HNRNPC: variants seen among roughly 807,000 people sequenced by gnomAD.
HNRNPC encodes the protein heterogeneous nuclear ribonucleoproteins C1/C2.
HNRNPC carries 3 observed loss-of-function variants against 33.2 expected under a neutral mutation model. The observed-to-expected ratio is 0.09, with a 90% CI of 0.04 to 0.23. The LOEUF (loss-of-function observed/expected upper bound fraction) is 0.23, where lower values mean the gene tolerates loss of function less well. HNRNPC is among the 10% of genes least tolerant of loss of function. The pLI, the probability that HNRNPC is intolerant of heterozygous loss-of-function variation, is 1.00. For missense variants in HNRNPC, 143 were observed against 366.7 expected (o/e 0.39, Z 4.98); for synonymous variants, 121 against 126.7 (o/e 0.96, Z 0.30).
chr14:21,250,560 T>C (rs1896524852), intron 2 of HNRNPC, among the ~76,000 whole-genome samples: 1 of 152,214 alleles, frequency 6.6e-6, no homozygotes, highest in Admixed American at 6.5e-5. Context: ...TTCAGATAAT[T>C]CAAAGCACGT....
intron 2 of HNRNPC, among the ~76,000 whole-genome samples, chr14:21,245,558 C>A (rs184716523): frequency 2.6e-5 from 4 of 152,026 alleles, no homozygotes; most frequent in African/African-American, 4.8e-5. Context: ...ATGAATGGAG[C>A]TTTTAGGACT....
rs1891519308 is a variant in HNRNPC at position 21,210,876 on chromosome 14, A to C, written c.*347T>G. 1 of 259,696 alleles carries C rather than the reference A, an allele frequency of 3.9e-6. No individual in the cohort carries two copies. Among genetic ancestry groups the C allele is most frequent in the Admixed American group, 4.9e-5 (1 of 20,534 alleles). 16.1% of individuals were successfully genotyped at this position (259,696 alleles called of 1,614,324 possible). A position where few individuals can be genotyped will look rare whatever the true frequency, so the allele number is the denominator to read the frequency against. On this transcript the variant is annotated 3_prime_UTR_variant, in exon 9 of 9. Transcript: ENST00000553300. ...AGTTAGGGAAGCAACTACTGAACTT[A>C]TGTATGAATGAAAAGAACTGTACTC...
intron 5 of HNRNPC, among the ~76,000 whole-genome samples, chr14:21,227,670 G>A (rs1197422453): frequency 2.0e-5 from 3 of 152,164 alleles, no homozygotes; most frequent in Admixed American, 6.5e-5. Context: ...TTTCTCTGCA[G>A]TATATATCTC....
chr14:21,226,240 A>G (rs1188098381), intron 5 of HNRNPC, among the ~76,000 whole-genome samples: 2 of 150,728 alleles, frequency 1.3e-5, no homozygotes, highest in Non-Finnish European at 3.0e-5. Flanking sequence ...GAGAATCTCG[A>G]GAACCTGGGA....
At chr14:21,249,996 AAC>A (rs1446848842) in intron 2 of HNRNPC, among the ~76,000 whole-genome samples, 1 of 152,216 alleles carries the variant, frequency 6.6e-6, no homozygotes, top group Non-Finnish European at 1.5e-5. Context: ...AAAATAATAA[AAC>A]ACAGGAAGGT....
chr14:21,269,067 G>C (rs1879508486), intron 1 of HNRNPC, among the ~76,000 whole-genome samples: 1 of 151,922 alleles, frequency 6.6e-6, no homozygotes, highest in Admixed American at 6.6e-5. Flanking sequence ...CAGGAAGAGC[G>C]AAAAAAGGAC....
rs894038912 is a variant in HNRNPC, at chr14:21,210,375, A to G, written c.*848T>C. The stretch of plus-strand genomic sequence containing the variant: ...CCACTCTATGTCAAGTTGACTCCTC[A>G]ATGCAACATGCATCTCAATGAAATA... On this transcript the variant is annotated 3_prime_UTR_variant, in exon 9 of 9. Transcript: ENST00000553300. 1.3e-5 allele frequency: 2 copies of G among 152,364 alleles called. No homozygotes were observed. Among genetic ancestry groups the G allele is most frequent in the African/African-American group, 4.8e-5 (2 of 41,460 alleles). 9.4% of individuals were successfully genotyped at this position (152,364 alleles called of 1,614,324 possible). A position where few individuals can be genotyped will look rare whatever the true frequency, so the allele number is the denominator to read the frequency against.
At position 21,214,791 on chromosome 14, in the gene HNRNPC, A is replaced by G. The variant is rs532598148; in HGVS notation, c.366-1674T>C. The stretch of plus-strand genomic sequence containing the variant: ...AACTATAAAATATCAGTGTTCAGAA[A>G]CTCATATCCTTTGTGAGAGATGGTA... On this transcript the variant is annotated intron_variant, in intron 5 of 8. Transcript: ENST00000553300. 2.2e-4 allele frequency among the ~76,000 whole-genome samples: 34 copies of G among 152,312 alleles called. 1 individual carries two copies. Among genetic ancestry groups the G allele is most frequent in the African/African-American group, 7.9e-4 (33 of 41,558 alleles).
At chr14:21,215,952 A>C (rs1488117484) in intron 5 of HNRNPC, among the ~76,000 whole-genome samples, 2 of 151,372 alleles carry the variant, frequency 1.3e-5, no homozygotes, top group East Asian at 3.9e-4. Context: ...AAAAGAAAAA[A>C]AAAACAACAA....
At chr14:21,266,205 C>T (rs1230775028) in intron 1 of HNRNPC, among the ~76,000 whole-genome samples, 1 of 152,144 alleles carries the variant, frequency 6.6e-6, no homozygotes, top group Non-Finnish European at 1.5e-5. Flanking sequence ...CAGGTTCAAG[C>T]GATTCTCCTG....
At chr14:21,223,672 C>T (rs1893100301) in intron 5 of HNRNPC, among the ~76,000 whole-genome samples, 1 of 151,946 alleles carries the variant, frequency 6.6e-6, no homozygotes, top group Non-Finnish European at 1.5e-5. Context: ...TTGCTTGAAC[C>T]CAGGAGACAG....
At chr14:21,216,919 A>ACTAG (rs1366727232) in intron 5 of HNRNPC, among the ~76,000 whole-genome samples, 3 of 152,206 alleles carry the variant, frequency 2.0e-5, no homozygotes, top group Non-Finnish European at 4.4e-5. Flanking sequence ...AATCCGTTAA[A>ACTAG]CTAGCTAGCT....
chr14:21,242,831 A>T (rs1340143517), intron 2 of HNRNPC, among the ~76,000 whole-genome samples: 1 of 152,226 alleles, frequency 6.6e-6, no homozygotes, highest in African/African-American at 2.4e-5. Flanking sequence ...GGAAACAATC[A>T]GACAATTTCA....
intron 1 of HNRNPC, among the ~76,000 whole-genome samples, chr14:21,266,486 A>G (rs1879003227): frequency 6.6e-6 from 1 of 152,030 alleles, no homozygotes; most frequent in African/African-American, 2.4e-5. Flanking sequence ...TTTTCCTGAT[A>G]CAATATAAAT....
chr14:21,213,749 TAA>T (rs1229476779), intron 5 of HNRNPC, among the ~76,000 whole-genome samples: 1 of 152,136 alleles, frequency 6.6e-6, no homozygotes, highest in African/African-American at 2.4e-5. Context: ...ATACCTCATA[TAA>T]AAACAGGTAG....
At chr14:21,219,649 T>G (rs997503615) in intron 5 of HNRNPC, among the ~76,000 whole-genome samples, 2 of 152,222 alleles carry the variant, frequency 1.3e-5, no homozygotes, top group East Asian at 3.8e-4. Flanking sequence ...CAATCTCCTT[T>G]GCTCATTTCT....
chr14:21,249,800 C>T (rs1896425698), intron 2 of HNRNPC, among the ~76,000 whole-genome samples: 2 of 152,058 alleles, frequency 1.3e-5, no homozygotes, highest in East Asian at 3.9e-4. Flanking sequence ...CATACTCTAA[C>T]GTAGAGCAAC....
chr14:21,255,829 TAA>T (rs1877089439), intron 2 of HNRNPC, among the ~76,000 whole-genome samples: 1 of 152,180 alleles, frequency 6.6e-6, no homozygotes, highest in Admixed American at 6.5e-5. Flanking sequence ...TGATAAGTGC[TAA>T]AGAGTATTTA....
At chr14:21,234,410 A>G (rs952236296) in intron 2 of HNRNPC, among the ~76,000 whole-genome samples, 181 bp from the exon 3 acceptor site, 3 of 152,162 alleles carry the variant, frequency 2.0e-5, no homozygotes, top group African/African-American at 7.2e-5. Flanking sequence ...CTCTGAATAT[A>G]CTCTAGAAAG....
Sources: gnomAD v4.1 joint callset for allele counts (sites outside exome capture counted in the v4.1 genomes callset) on GRCh38, gnomAD v4.1.1 for gene constraint, MANE v1.5 for transcripts, NCBI Gene and HGNC (gene_info 2026-07-23, HGNC 2026-07-21) for gene names.